Variants in CFAP65 observed in about 807,000 individuals in gnomAD.
CFAP65 encodes cilia and flagella associated protein 65.
Under a neutral mutation model 208.0 loss-of-function variants are expected in CFAP65, and 155 were observed. The observed-to-expected ratio is 0.75, with a 90% CI of 0.65 to 0.85. CFAP65 has a LOEUF of 0.85. CFAP65 is among the 40% of genes least tolerant of loss of function. The pLI, the probability that CFAP65 is intolerant of heterozygous loss-of-function variation, is 0.00. For synonymous variants in CFAP65, 970 were observed against 986.3 expected (o/e 0.98, Z 0.31); for missense variants, 2,294 against 2,451.3 (o/e 0.94, Z 1.36).
Position 219,003,284 on chromosome 2 carries a change from C to A in CFAP65, c.5556-12G>T. 2.0e-6 allele frequency: 3 copies of A among 1,522,036 alleles called. No individual in the cohort carries two copies. The highest frequency in any genetic ancestry group is 1.7e-4 in the Middle Eastern group (1 of 5,810). 94.3% of individuals were successfully genotyped at this position (1,522,036 alleles called of 1,614,324 possible). A position where few individuals can be genotyped will look rare whatever the true frequency, so the allele number is the denominator to read the frequency against. On this transcript the variant is annotated splice_polypyrimidine_tract_variant and intron_variant, in intron 33 of 34. Transcript: ENST00000341552. This position sits in a 1 kb window ranked among gnomAD's most constrained non-coding sequence, Gnocchi z 4.4. ...CGAAGGCCGGGAGCCTGCGAGGGGG[C>A]GGGGGCTAGCATGAGGGCGGCCGCA...
intron 16 of CFAP65, 100 bp from the exon 17 acceptor site, chr2:219,022,429 C>G (rs1947329832): frequency 7.3e-7 from 1 of 1,368,618 alleles, no homozygotes; most frequent in African/African-American, 1.4e-5. Context: ...CTACGTTAGC[C>G]CTTTCTCAGA....
chr2:219,023,197 A>C lies in CFAP65; in HGVS notation c.2820+10T>G. 1 of 1,607,666 alleles carries C rather than the reference A, an allele frequency of 6.2e-7. No individual in the cohort carries two copies. Among genetic ancestry groups the C allele is most frequent in the Non-Finnish European group, 8.5e-7 (1 of 1,177,276 alleles). Reference sequence around the variant, plus strand: ...GGTTGCCGTCACTCGGCAGGAGGGGAGCCACTCACAAGTCTCTCGTTGGGC... The same window carrying C: ...GGTTGCCGTCACTCGGCAGGAGGGGCGCCACTCACAAGTCTCTCGTTGGGC... On this transcript the variant is annotated intron_variant, in intron 16 of 34. Coordinates refer to ENST00000341552, the MANE Select transcript of CFAP65 (RefSeq NM_194302.4).
intron 14 of CFAP65, among the ~76,000 whole-genome samples, chr2:219,024,480 G>C (rs1387217533): frequency 7.2e-6 from 1 of 138,338 alleles, no homozygotes; most frequent in Non-Finnish European, 1.6e-5. Flanking sequence ...AGGGGCGGGG[G>C]GGGGGCAGGG....
chr2:219,019,761 C>T, intron 19 of CFAP65, 42 bp from the exon 20 acceptor site: 1 of 1,574,744 alleles, frequency 6.4e-7, no homozygotes, highest in Non-Finnish European at 8.7e-7. Context: ...GCTTGCCTCC[C>T]ACCTTCCCTG....
At chr2:219,023,895 T>C in intron 15 of CFAP65, 120 bp downstream of exon 15, 1 of 1,236,560 alleles carries the variant, frequency 8.1e-7, no homozygotes, top group Non-Finnish European at 1.1e-6. Flanking sequence ...TGCTACTTCC[T>C]GGAGGAGAAG....
chr2:219,013,817 G>A, intron 22 of CFAP65, 51 bp downstream of exon 22: 1 of 1,502,954 alleles, frequency 6.7e-7, no homozygotes, highest in Non-Finnish European at 9.1e-7. Flanking sequence ...AATGCCCGGG[G>A]TAGGGGCCTC....
chr2:219,023,133 G>A, intron 16 of CFAP65, 74 bp downstream of exon 16: 2 of 1,309,910 alleles, frequency 1.5e-6, no homozygotes, highest in Non-Finnish European at 2.2e-6. Context: ...TGGCAAGTCT[G>A]GGCTATGATA....
intron 21 of CFAP65, chr2:219,014,414 G>C (rs1946703005): frequency 5.9e-6 from 1 of 168,876 alleles, no homozygotes; most frequent in Admixed American, 6.0e-5. Context: ...AAGGCTGGCA[G>C]CACCAACCAG....
At chr2:219,014,192 G>C (rs766337551) in intron 21 of CFAP65, 148 bp from the exon 22 acceptor site, 5 of 579,968 alleles carry the variant, frequency 8.6e-6, no homozygotes, top group Non-Finnish European at 1.4e-5. Context: ...ATGTGTGCCT[G>C]AGCAAATGTG....
chr2:219,026,130 C>T lies in CFAP65; in HGVS notation c.2241G>A (p.Glu747=), dbSNP rs766438631. The T allele has an allele frequency of 1.2e-6, 2 of 1,613,740 alleles. No individual in the cohort carries two copies. The highest frequency in any genetic ancestry group is 1.3e-5 in the African/African-American group (1 of 74,910). ...KVLQSYSNIE[E]DCTMCPSWCL... ...ACCAGGATGGGCACATGGTGCAGTC[C>T]TCCTCAATATTACTGTAGCTCTGCA... is the stretch of plus-strand genomic sequence containing the variant. The change falls in exon 14 of 35, where the codon GAG becomes GAA. Residue 747 remains glutamate, a synonymous_variant. Coordinates refer to ENST00000341552, the MANE Select transcript of CFAP65 (RefSeq NM_194302.4).
chr2:219,013,967 A>G lies in CFAP65; in HGVS notation c.3680T>C (p.Leu1227Pro). 6.2e-7 allele frequency: 1 copy of G among 1,613,478 alleles called. No homozygotes were observed. The highest frequency in any genetic ancestry group is 8.5e-7 in the Non-Finnish European group (1 of 1,179,826). ...AEQAELNSTE[L>P]HQMRVQDNCL... ...ATTGTCCTGCACGCGCATCTGGTGG[A>G]GCTCAGTGGAATTCAACTCTGCTTG... The change falls in exon 22 of 35, where the codon CTC becomes CCC. Residue 1227 changes from leucine (L) to proline (P), a missense_variant. Around this residue, in one of 2 missense-constraint regions of CFAP65, gnomAD observed 1,427 missense variants for 1,438.7 expected, o/e 0.99. Coordinates refer to ENST00000341552, the MANE Select transcript of CFAP65 (RefSeq NM_194302.4).
At chr2:219,028,453 G>C (rs1258732712) in intron 11 of CFAP65, 52 bp from the exon 12 acceptor site, 5 of 1,470,346 alleles carry the variant, frequency 3.4e-6, no homozygotes, top group East Asian at 2.3e-5. Context: ...GTAGGGCAAG[G>C]GGGGTGCTGG....
At chr2:219,013,431 C>T (rs999106620) in intron 23 of CFAP65, 62 bp from the exon 24 acceptor site, 46 of 1,536,964 alleles carry the variant, frequency 3.0e-5, no homozygotes, top group Admixed American at 1.7e-4. Flanking sequence ...ACCCCAGTTC[C>T]CCAGGAGAAC....
In CFAP65 at chr2:219,003,717, C is replaced by A. The variant is rs73089094; in HGVS notation, c.5555+235G>T. 2.3e-3 allele frequency among the ~76,000 whole-genome samples: 355 copies of A among 152,288 alleles called. 1 individual carries two copies. The highest frequency in any genetic ancestry group is 7.5e-3 in the African/African-American group (312 of 41,552). On this transcript the variant is annotated intron_variant, in intron 33 of 34. Coordinates refer to ENST00000341552, the MANE Select transcript of CFAP65 (RefSeq NM_194302.4). This position sits in a 1 kb window ranked among gnomAD's most constrained non-coding sequence, Gnocchi z 4.4. ...AGACTTTGCAGACTATAACAATTCT[C>A]CTGGTAAGTTGGTAAATGTCAACAA...
chr2:219,004,332 C>T lies in CFAP65; in HGVS notation c.5175G>A (p.Leu1725=), dbSNP rs566349288. ...GTACAGGCAGGATTGGCATTAAGTA[C>T]AGGCTGTTTTTCTGGTCCATGAACT... ...STKFMDQKNS[L]YLMPILPVPS... The change falls in exon 33 of 35, where the codon CTG becomes CTA. Residue 1725 remains leucine (L), a synonymous_variant. Coordinates refer to ENST00000341552, the MANE Select transcript of CFAP65 (RefSeq NM_194302.4). The surrounding 1 kb of genome is among the most constrained non-coding windows in gnomAD (Gnocchi z 4.7). 7.4e-6 allele frequency: 12 copies of T among 1,614,148 alleles called. No homozygotes were observed. The African/African-American group carries it at 1.5e-4, about 20-fold the overall frequency.
Position 219,003,253 on chromosome 2 carries a change from G to C in CFAP65, c.5575C>G (p.Leu1859Val). The C allele has an allele frequency of 6.5e-7, 1 of 1,543,892 alleles. No homozygotes were observed. Among genetic ancestry groups the C allele is most frequent in the East Asian group, 2.5e-5 (1 of 40,770 alleles). The change falls in exon 34 of 35, where the codon CTG (leucine) becomes GTG (valine). Residue 1859 changes from leucine to valine, a missense_variant. Transcript: ENST00000341552. This position sits in a 1 kb window ranked among gnomAD's most constrained non-coding sequence, Gnocchi z 4.4. Reference protein sequence around the residue: ...AIRRLPAFANLQEALLENMIQ... With the variant: ...AIRRLPAFANVQEALLENMIQ... Reference sequence around the variant, plus strand: ...ATGTTCTCCAGCAGCGCCTCCTGCAGGTTGGCGAAGGCCGGGAGCCTGCGA... The same window carrying C: ...ATGTTCTCCAGCAGCGCCTCCTGCACGTTGGCGAAGGCCGGGAGCCTGCGA...
In CFAP65 at chr2:219,004,834, G is replaced by A. The variant is rs181278224; in HGVS notation, c.5052-379C>T. Among the ~76,000 whole-genome samples, 12 of 147,576 alleles carry A rather than the reference G, an allele frequency of 8.1e-5. No individual in the cohort carries two copies. The highest frequency in any genetic ancestry group is 1.1e-4 in the Non-Finnish European group (7 of 66,544). ...ACTGTCCTGGGGTGGGGGGGCCGGG[G>A]GGGGGGACCGTGGTGGGATCTTGCA... is the stretch of plus-strand genomic sequence containing the variant. On this transcript the variant is annotated intron_variant, in intron 32 of 34. Transcript: ENST00000341552. This position sits in a 1 kb window ranked among gnomAD's most constrained non-coding sequence, Gnocchi z 4.7.
Position 219,019,163 on chromosome 2 carries a change from G to A in CFAP65, c.3490C>T (p.Pro1164Ser), listed in dbSNP as rs375107182. The change falls in exon 21 of 35, where the codon CCC becomes TCC. Residue 1164 changes from proline to serine, a missense_variant. By Grantham distance (74) the Pro-to-Ser change is moderately conservative. Transcript: ENST00000341552. ...TCAAGCCTTAAAGGGGTGAGGACGG[G>A]GGGGATCTGGCTCATGCTGTGAGGA... The part of the protein sequence containing the change: ...PTRHSMSQIP[P>S]VLTPLRLDFN... 2 of 1,613,468 alleles carry A rather than the reference G, an allele frequency of 1.2e-6. No individual in the cohort carries two copies. Among genetic ancestry groups the A allele is most frequent in the Admixed American group, 1.7e-5 (1 of 59,972 alleles).
chr2:219,019,742 C>G (rs73090806), intron 19 of CFAP65, 23 bp from the exon 20 acceptor site: 166,652 of 1,604,838 alleles, frequency 0.1, 9,068 homozygotes, highest in East Asian at 0.22. Context: ...GTGAGGAAGA[C>G]AGAAGTGGGC....
Sources: allele counts gnomAD v4.1 joint callset (sites outside exome capture counted in the v4.1 genomes callset), GRCh38; gene constraint gnomAD v4.1.1; regional missense constraint gnomAD v4.1.1; non-coding constraint Gnocchi (gnomAD v3.1); transcripts MANE v1.5; gene names NCBI Gene and HGNC (gene_info 2026-07-23, HGNC 2026-07-21).